SLC35F1: variants seen among roughly 807,000 people sequenced by gnomAD.
The protein encoded by SLC35F1 is chromosome 6 open reading frame 169.
A neutral mutation model predicts 48.7 loss-of-function variants in SLC35F1; 14 were observed. The ratio of observed to expected loss-of-function variants is 0.29; its 90% CI spans 0.19 to 0.45. The LOEUF (loss-of-function observed/expected upper bound fraction) is 0.45, where lower values mean the gene tolerates loss of function less well. SLC35F1 is among the 20% of genes least tolerant of loss of function. The probability of loss-of-function intolerance (pLI) is 1.00; values close to 1 mark genes in which losing one functional copy is unlikely to be tolerated. For synonymous variants in SLC35F1, 190 were observed against 202.2 expected (o/e 0.94, Z 0.51); for missense variants, 404 against 500.0 (o/e 0.81, Z 1.83).
intron 1 of SLC35F1, among the ~76,000 whole-genome samples, chr6:118,084,677 C>T (rs1365642464): frequency 6.6e-6 from 1 of 152,012 alleles, no homozygotes; most frequent in Non-Finnish European, 1.5e-5. Context: ...AATTCTGGCT[C>T]AAGCAATGAG....
At chr6:118,119,551 C>A (rs9401058) in intron 1 of SLC35F1, among the ~76,000 whole-genome samples, 27,224 of 135,280 alleles carry the variant, frequency 0.2, 2,873 homozygotes, top group East Asian at 0.33. Context: ...GTCGCCCAGG[C>A]TGGAGTGTAA....
intron 1 of SLC35F1, among the ~76,000 whole-genome samples, chr6:118,084,833 CT>C (rs1772963260): frequency 6.6e-6 from 1 of 152,072 alleles, no homozygotes; most frequent in Non-Finnish European, 1.5e-5. Context: ...AGATGATTCC[CT>C]GGGACCAGGA....
chr6:118,289,841 T>G (rs1582772413), intron 7 of SLC35F1, among the ~76,000 whole-genome samples: 1 of 152,232 alleles, frequency 6.6e-6, no homozygotes, highest in African/African-American at 2.4e-5. Flanking sequence ...TATGCTAATA[T>G]ACAGCCAGAG....
chr6:118,096,176 A>G (rs750566112), intron 1 of SLC35F1, among the ~76,000 whole-genome samples: 1 of 152,248 alleles, frequency 6.6e-6, no homozygotes, highest in Non-Finnish European at 1.5e-5. Context: ...TTGCTAATTC[A>G]GGGCTGAATT....
At chr6:117,985,731 G>A (rs1018066718) in intron 1 of SLC35F1, among the ~76,000 whole-genome samples, 1 of 152,200 alleles carries the variant, frequency 6.6e-6, no homozygotes, top group African/African-American at 2.4e-5. Flanking sequence ...CTTTCAATTA[G>A]TGAAGACAGA....
intron 1 of SLC35F1, among the ~76,000 whole-genome samples, chr6:117,917,560 G>A (rs1582560139): frequency 2.6e-5 from 4 of 151,990 alleles, no homozygotes; most frequent in Admixed American, 2.6e-4. Flanking sequence ...TGAGGGAGAG[G>A]AATAAAGAAA....
At chr6:118,196,524 T>C (rs1212140721) in intron 2 of SLC35F1, among the ~76,000 whole-genome samples, 1 of 152,076 alleles carries the variant, frequency 6.6e-6, no homozygotes, top group East Asian at 1.9e-4. Flanking sequence ...GAGACTAGCC[T>C]GGCCAACGTG....
chr6:118,074,741 C>T (rs1479777214), intron 1 of SLC35F1, among the ~76,000 whole-genome samples: 2 of 152,198 alleles, frequency 1.3e-5, no homozygotes, highest in African/African-American at 4.8e-5. Context: ...CGTTGACCTC[C>T]TGGGCTCAAG....
chr6:118,256,723 A>G (rs1371268232), intron 3 of SLC35F1, among the ~76,000 whole-genome samples: 2 of 152,226 alleles, frequency 1.3e-5, no homozygotes, highest in Non-Finnish European at 2.9e-5. Context: ...GTTGTTTTAT[A>G]TATTTTGAAA....
At chr6:117,926,406 G>GT (rs1414345517) in intron 1 of SLC35F1, among the ~76,000 whole-genome samples, 2 of 152,078 alleles carry the variant, frequency 1.3e-5, no homozygotes, top group Admixed American at 6.6e-5. Context: ...CCAGTCTTGA[G>GT]TTTTTTTCGT....
At chr6:118,280,734 T>C (rs1303931257) in intron 6 of SLC35F1, among the ~76,000 whole-genome samples, 2 of 151,762 alleles carry the variant, frequency 1.3e-5, no homozygotes, top group Non-Finnish European at 2.9e-5. Flanking sequence ...AAAAATTACC[T>C]GGGTGTGGTG....
chr6:118,315,860 A>G lies in SLC35F1; in HGVS notation c.*1608A>G, dbSNP rs1474538511. On this transcript the variant is annotated 3_prime_UTR_variant, in exon 8 of 8. Coordinates refer to ENST00000360388, the MANE Select transcript of SLC35F1 (RefSeq NM_001029858.4). Reference sequence around the variant, plus strand: ...CTTTTTTCAAACACAGGAAATTAAGAAACACCACAGACCTCTATTATTTAG... The same window carrying G: ...CTTTTTTCAAACACAGGAAATTAAGGAACACCACAGACCTCTATTATTTAG... The G allele has an allele frequency of 6.6e-6, 1 of 152,238 alleles. No individual in the cohort carries two copies. Among genetic ancestry groups the G allele is most frequent in the Non-Finnish European group, 1.5e-5 (1 of 68,058 alleles). The allele number at this position is 152,238 out of a possible 1,614,324, so 9.4% of individuals were successfully genotyped here. A position where few individuals can be genotyped will look rare whatever the true frequency, so the allele number is the denominator to read the frequency against.
intron 1 of SLC35F1, among the ~76,000 whole-genome samples, chr6:118,070,605 C>T (rs1158445354): frequency 6.6e-6 from 1 of 151,842 alleles, no homozygotes; most frequent in African/African-American, 2.4e-5. Context: ...AGCACCCAGT[C>T]CTACTTCCCA....
intron 1 of SLC35F1, among the ~76,000 whole-genome samples, chr6:118,070,991 C>T (rs12178211): frequency 0.13 from 984 of 7,294 alleles, 49 homozygotes; most frequent in Non-Finnish European, 0.21. Context: ...ATATATTCTA[C>T]GTGTGTGTAT....
intron 1 of SLC35F1, among the ~76,000 whole-genome samples, chr6:117,913,446 T>C (rs1157652152): frequency 1.3e-5 from 2 of 152,196 alleles, no homozygotes; most frequent in Admixed American, 1.3e-4. Context: ...AGAATGAACG[T>C]TGTAATTCAT....
At chr6:118,006,800 A>G (rs1777179427) in intron 1 of SLC35F1, among the ~76,000 whole-genome samples, 1 of 152,118 alleles carries the variant, frequency 6.6e-6, no homozygotes, top group Admixed American at 6.5e-5. Context: ...ACCCCCCTGA[A>G]TTCACTCCCA....
intron 1 of SLC35F1, among the ~76,000 whole-genome samples, chr6:118,056,628 C>T (rs545585860): frequency 6.6e-6 from 1 of 152,160 alleles, no homozygotes; most frequent in Admixed American, 6.5e-5. Flanking sequence ...ACAAAATAAC[C>T]ACAGCCAACT....
intron 1 of SLC35F1, among the ~76,000 whole-genome samples, chr6:117,945,851 T>A (rs2114823327): frequency 1.3e-5 from 2 of 152,204 alleles, no homozygotes; most frequent in Middle Eastern, 6.8e-3. Context: ...AATATTATGG[T>A]CCCCCAGAGT....
intron 1 of SLC35F1, among the ~76,000 whole-genome samples, chr6:118,025,574 T>C (rs1255986073): frequency 6.6e-6 from 1 of 152,186 alleles, no homozygotes; most frequent in African/African-American, 2.4e-5. Context: ...TGAGGGATGA[T>C]TATCTGTGTA....
Sources: allele counts gnomAD v4.1 joint callset (sites outside exome capture counted in the v4.1 genomes callset), GRCh38; gene constraint gnomAD v4.1.1; transcripts MANE v1.5; gene names NCBI Gene and HGNC (gene_info 2026-07-23, HGNC 2026-07-21).